EOGT: variants seen among roughly 807,000 people sequenced by gnomAD.
The protein encoded by EOGT is EGF domain specific O-linked N-acetylglucosamine transferase.
A neutral mutation model predicts 70.5 loss-of-function variants in EOGT; 55 were observed. That is an observed-to-expected ratio of 0.78 (90% CI 0.63 to 0.98). EOGT has a LOEUF of 0.98. EOGT is among the 50% of genes least tolerant of loss of function. EOGT has a pLI of 0.00. For synonymous variants in EOGT, 246 were observed against 217.1 expected, an observed-to-expected ratio of 1.13 and a Z score of -1.17; for missense variants, 703 against 641.9, an observed-to-expected ratio of 1.10 and a Z score of -1.03.
At chr3:69,004,082 C>A (rs1187730270) in intron 8 of EOGT, among the ~76,000 whole-genome samples, 1 of 152,134 alleles carries the variant, frequency 6.6e-6, no homozygotes, top group African/African-American at 2.4e-5. Context: ...ATGTAAGTAA[C>A]CTATGTGACT....
chr3:68,984,794 C>A (rs533696980), intron 14 of EOGT, among the ~76,000 whole-genome samples: 9 of 152,258 alleles, frequency 5.9e-5, no homozygotes, highest in African/African-American at 2.2e-4. Flanking sequence ...TACCTTTCTA[C>A]TGGACTTCTC....
chr3:68,997,635 C>A (rs1277735776), intron 10 of EOGT, among the ~76,000 whole-genome samples: 1 of 152,172 alleles, frequency 6.6e-6, no homozygotes, highest in Non-Finnish European at 1.5e-5. Flanking sequence ...TCCCAAAGTG[C>A]TGTGATTATA....
chr3:69,009,928 A>C, intron 3 of EOGT, 68 bp from the exon 4 acceptor site: 3 of 591,450 alleles, frequency 5.1e-6, no homozygotes, highest in Non-Finnish European at 8.1e-6. Context: ...CAACAACAAC[A>C]ACAACAAAAA....
intron 12 of EOGT, 58 bp downstream of exon 12, chr3:68,988,448 C>G (rs2090881674): frequency 6.7e-7 from 1 of 1,487,648 alleles, no homozygotes; most frequent in Non-Finnish European, 9.1e-7. Context: ...ATACTGTCAA[C>G]TTATGTATAA....
intron 4 of EOGT, 57 bp from the exon 5 acceptor site, chr3:69,008,585 AG>A: frequency 8.1e-7 from 1 of 1,239,300 alleles, no homozygotes; most frequent in Non-Finnish European, 1.2e-6. Context: ...GAAGACTCTT[AG>A]ATTTTTCCAT....
chr3:68,994,848 G>T (rs2091099766), intron 10 of EOGT, among the ~76,000 whole-genome samples: 1 of 152,178 alleles, frequency 6.6e-6, no homozygotes, highest in Non-Finnish European at 1.5e-5. Flanking sequence ...ACAAGCAAAT[G>T]TGGAAAGCCT....
intron 9 of EOGT, 50 bp from the exon 10 acceptor site, chr3:68,998,164 TCAAG>T: frequency 9.9e-7 from 1 of 1,013,202 alleles, no homozygotes; most frequent in Non-Finnish European, 1.5e-6. Context: ...GAGCACATGA[TCAAG>T]CAAGTTTTAT....
In EOGT at chr3:68,982,854, T is replaced by C; in HGVS notation, c.1171A>G (p.Thr391Ala). ...ATCTGGACTTCAAATGTAGATACTG[T>C]TTTCAGTGCATTTACAAGCTGGGAA... ...NQNELVNALK[T>A]VSTFEVQIVD... The change falls in exon 15 of 18, where the codon ACA becomes GCA. Residue 391 changes from threonine to alanine, a missense_variant. Thr to Ala is a moderately conservative substitution (Grantham distance 58). Coordinates refer to ENST00000383701, the MANE Select transcript of EOGT (RefSeq NM_001278689.2). 6.2e-7 allele frequency: 1 copy of C among 1,603,296 alleles called. No homozygotes were observed. Among genetic ancestry groups the C allele is most frequent in the Non-Finnish European group, 8.5e-7 (1 of 1,174,988 alleles).
intron 9 of EOGT, among the ~76,000 whole-genome samples, chr3:69,001,369 C>T (rs997411383): frequency 1.3e-5 from 2 of 152,150 alleles, no homozygotes; most frequent in Admixed American, 6.5e-5. Flanking sequence ...CACCTCTCGT[C>T]CTTTGATTTT....
intron 9 of EOGT, among the ~76,000 whole-genome samples, chr3:68,999,370 A>T (rs4266199): frequency 6.6e-6 from 1 of 152,204 alleles, no homozygotes. Flanking sequence ...CCACTTAGGT[A>T]TGCAGGACCC....
At chr3:69,011,186 C>T (rs1012290069) in intron 3 of EOGT, among the ~76,000 whole-genome samples, 20 of 9,976 alleles carry the variant, frequency 2.0e-3, no homozygotes, top group Non-Finnish European at 4.1e-3. Context: ...TTAGTGGGAT[C>T]TTTGTTCTTT....
intron 8 of EOGT, among the ~76,000 whole-genome samples, chr3:69,002,709 C>T (rs969029759): frequency 7.3e-5 from 11 of 151,362 alleles, no homozygotes; most frequent in Middle Eastern, 3.4e-3. Context: ...GGCTGGAGTG[C>T]AGTGGTGCAA....
rs1476948822 is a variant in EOGT, at chr3:68,998,020, C to T, written c.822G>A (p.Met274Ile). 1.3e-6 allele frequency: 2 copies of T among 1,545,668 alleles called. No individual in the cohort carries two copies. The highest frequency in any genetic ancestry group is 2.4e-5 in the South Asian group (2 of 83,306). ...GCACATTCTTACTTACGGTGTCCCA[C>T]ATCACGATGTACACGTCAGTACTGA... ...NSFSTDVYIV[M>I]WDTSSYGYGD... Residue 274 changes from methionine (M) to isoleucine (I), a missense_variant, in exon 10 of 18, where the codon ATG (methionine) becomes ATA (isoleucine). By Grantham distance (10) the Met-to-Ile change is conservative. Transcript: ENST00000383701.
intron 13 of EOGT, 42 bp from the exon 14 acceptor site, chr3:68,987,555 T>C: frequency 6.8e-7 from 1 of 1,463,218 alleles, no homozygotes; most frequent in South Asian, 1.2e-5. Context: ...TGCATATGCC[T>C]GGGTAGATGA....
chr3:69,006,969 C>T (rs1035849921), intron 6 of EOGT, among the ~76,000 whole-genome samples: 6 of 152,164 alleles, frequency 3.9e-5, no homozygotes, highest in African/African-American at 4.8e-5. Context: ...AAGCATCAAA[C>T]GAGATAACAC....
rs1183660811 is a variant in EOGT, at chr3:68,977,405, T to C, written c.*213A>G. The C allele has an allele frequency of 2.0e-6, 1 of 488,382 alleles. No homozygotes were observed. Among genetic ancestry groups the C allele is most frequent in the East Asian group, 3.9e-5 (1 of 25,332 alleles). The allele number at this position is 488,382 out of a possible 1,614,324, so 30.3% of individuals were successfully genotyped here. ...TTTTTGAACTATAAAAAGTTTTCAG[T>C]GCAAAATTATTGCTATTGATAAATA... On this transcript the variant is annotated 3_prime_UTR_variant, in exon 18 of 18. Transcript: ENST00000383701.
At chr3:69,005,463 C>G (rs765072498) in intron 6 of EOGT, among the ~76,000 whole-genome samples, 10 of 152,250 alleles carry the variant, frequency 6.6e-5, no homozygotes, top group African/African-American at 1.4e-4. Flanking sequence ...CCATGGAAAA[C>G]TCCCCAACGA....
intron 6 of EOGT, 64 bp from the exon 7 acceptor site, chr3:69,005,298 T>C (rs2091412566): frequency 2.3e-6 from 2 of 878,872 alleles, no homozygotes; most frequent in Admixed American, 4.3e-5. Flanking sequence ...TCATCCGGAC[T>C]TGCTAGACAC....
At chr3:68,996,248 A>C (rs1446590213) in intron 10 of EOGT, among the ~76,000 whole-genome samples, 4 of 152,214 alleles carry the variant, frequency 2.6e-5, no homozygotes, top group African/African-American at 9.6e-5. Flanking sequence ...CTTCAAATCT[A>C]ACTCAAAGTC....
Sources: allele counts gnomAD v4.1 joint callset (sites outside exome capture counted in the v4.1 genomes callset), GRCh38; gene constraint gnomAD v4.1.1; transcripts MANE v1.5; gene names NCBI Gene and HGNC (gene_info 2026-07-23, HGNC 2026-07-21).